SLC36A1: variants seen among roughly 807,000 people sequenced by gnomAD.
SLC36A1 encodes solute carrier family 36 member 1, also known as proton-coupled amino acid transporter 1.
A neutral mutation model predicts 47.5 loss-of-function variants in SLC36A1; 30 were observed. That is an observed-to-expected ratio of 0.63 (90% CI 0.47 to 0.86). The LOEUF (loss-of-function observed/expected upper bound fraction) is 0.86, where lower values mean the gene tolerates loss of function less well. Ranked by LOEUF, SLC36A1 falls within the 40% of genes least tolerant of loss-of-function variation. The pLI, the probability that SLC36A1 is intolerant of heterozygous loss-of-function variation, is 0.00. For missense variants in SLC36A1, 517 were observed against 606.0 expected (o/e 0.85, Z 1.54); for synonymous variants, 255 against 249.7 (o/e 1.02, Z -0.20).
At chr5:151,405,167 C>A in the SLC36A1 span, among the ~76,000 whole-genome samples, 2 of 152,050 alleles carry the variant, frequency 1.3e-5, no homozygotes, top group Admixed American at 6.6e-5. Context: ...TCAGCTTGGT[C>A]TAGTTTGTTA....
the SLC36A1 span, among the ~76,000 whole-genome samples, chr5:151,555,890 C>T: frequency 2.0e-5 from 3 of 152,144 alleles, no homozygotes; most frequent in Non-Finnish European, 4.4e-5. Context: ...TAACCAAAGC[C>T]TTTCATTGAA....
At chr5:151,348,286 A>T in the SLC36A1 span, among the ~76,000 whole-genome samples, 13 of 152,324 alleles carry the variant, frequency 8.5e-5, no homozygotes, top group Non-Finnish European at 7.3e-5. Flanking sequence ...AAGGTCACAC[A>T]TGAAATCCAG....
At chr5:151,367,374 T>TTTCC in the SLC36A1 span, among the ~76,000 whole-genome samples, 12,556 of 145,478 alleles carry the variant, frequency 0.086, 750 homozygotes, top group East Asian at 0.2. Context: ...TTTTTTTTTT[T>TTTCC]CCCCAGGGTA....
At chr5:151,424,110 G>T in the SLC36A1 span, among the ~76,000 whole-genome samples, 11 of 152,184 alleles carry the variant, frequency 7.2e-5, no homozygotes, top group Non-Finnish European at 1.5e-4. Context: ...TGGCAGGCGG[G>T]GCTGCCTATG....
At chr5:151,518,230 G>A in the SLC36A1 span, among the ~76,000 whole-genome samples, 1 of 151,864 alleles carries the variant, frequency 6.6e-6, no homozygotes, top group Non-Finnish European at 1.5e-5. Flanking sequence ...CCAGTTACTT[G>A]GAATTACATC....
chr5:151,356,708 C>T, the SLC36A1 span, among the ~76,000 whole-genome samples: 1 of 152,164 alleles, frequency 6.6e-6, no homozygotes, highest in Non-Finnish European at 1.5e-5. Context: ...TTAAAGTTTA[C>T]CTCTGGGCAT....
At chr5:151,393,956 C>A in the SLC36A1 span, among the ~76,000 whole-genome samples, 3 of 129,056 alleles carry the variant, frequency 2.3e-5, no homozygotes, top group Non-Finnish European at 1.6e-5. Flanking sequence ...GCCTGCCTTG[C>A]TAGGTTGGGG....
At chr5:151,473,015 C>CA (rs1447414821) in intron 7 of SLC36A1, among the ~76,000 whole-genome samples, 1 of 152,040 alleles carries the variant, frequency 6.6e-6, no homozygotes, top group East Asian at 1.9e-4. Context: ...CAAAAATATA[C>CA]AAAAAATAGC....
chr5:151,429,098 C>T, the SLC36A1 span, among the ~76,000 whole-genome samples: 1 of 152,212 alleles, frequency 6.6e-6, no homozygotes, highest in African/African-American at 2.4e-5. Context: ...GTGCTAGTTG[C>T]ATGATGCTTA....
the SLC36A1 span, among the ~76,000 whole-genome samples, chr5:151,520,289 G>A: frequency 1.3e-5 from 2 of 152,384 alleles, no homozygotes; most frequent in African/African-American, 4.8e-5. Flanking sequence ...TAATGCCAGG[G>A]ATGCTGGGTG....
chr5:151,397,764 C>CAAAAAA, the SLC36A1 span, among the ~76,000 whole-genome samples: 19 of 44,218 alleles, frequency 4.3e-4, no homozygotes, highest in Admixed American at 9.1e-4. Flanking sequence ...AACTCCAACT[C>CAAAAAA]AAAAAAAAAA....
At chr5:151,521,950 C>T in the SLC36A1 span, 1 of 1,614,160 alleles carries the variant, frequency 6.2e-7, no homozygotes, top group Non-Finnish European at 8.5e-7. Flanking sequence ...ACCCACCATG[C>T]CACCCTGGAA....
At chr5:151,403,759 T>C in the SLC36A1 span, among the ~76,000 whole-genome samples, 1 of 152,372 alleles carries the variant, frequency 6.6e-6, no homozygotes, top group African/African-American at 2.4e-5. Flanking sequence ...TTGATTTCTA[T>C]TTTTATTCCA....
At chr5:151,402,738 G>GT in the SLC36A1 span, among the ~76,000 whole-genome samples, 1 of 152,086 alleles carries the variant, frequency 6.6e-6, no homozygotes, top group Non-Finnish European at 1.5e-5. Flanking sequence ...ATCTTGGATG[G>GT]TGTTTTGTTT....
At chr5:151,518,371 A>T in the SLC36A1 span, among the ~76,000 whole-genome samples, 14,078 of 130,952 alleles carry the variant, frequency 0.11, 824 homozygotes, top group East Asian at 0.24. Flanking sequence ...TAATAATAAT[A>T]ATAATTTTTA....
At chr5:151,351,888 C>T in the SLC36A1 span, among the ~76,000 whole-genome samples, 1 of 152,128 alleles carries the variant, frequency 6.6e-6, no homozygotes, top group Non-Finnish European at 1.5e-5. Flanking sequence ...CTGAAACCTC[C>T]TCCTGCTCCA....
the SLC36A1 span, chr5:151,553,217 G>A: frequency 1.2e-4 from 199 of 1,614,236 alleles, 2 homozygotes; most frequent in African/African-American, 2.2e-3. Flanking sequence ...TGCCCTCTAC[G>A]CTGATGACCC....
At chr5:151,503,783 C>T in the SLC36A1 span, among the ~76,000 whole-genome samples, 5 of 152,278 alleles carry the variant, frequency 3.3e-5, no homozygotes, top group South Asian at 6.2e-4. Context: ...TGGGCTTTAG[C>T]TAGCCTGCTA....
At chr5:151,540,890 C>A in the SLC36A1 span, 1 of 830,952 alleles carries the variant, frequency 1.2e-6, no homozygotes. Flanking sequence ...CCTTCCTTAA[C>A]TAGGAACCCA....
Sources: gnomAD v4.1 joint callset for allele counts (sites outside exome capture counted in the v4.1 genomes callset) on GRCh38, gnomAD v4.1.1 for gene constraint, MANE v1.5 for transcripts, NCBI Gene and HGNC (gene_info 2026-07-23, HGNC 2026-07-21) for gene names.